TYMP: variants seen among roughly 807,000 people sequenced by gnomAD.
TYMP encodes the protein thymidine phosphorylase, also known as gliostatin.
Under a neutral mutation model 42.3 loss-of-function variants are expected in TYMP, and 46 were observed. The ratio of observed to expected loss-of-function variants is 1.09; its 90% CI spans 0.86 to 1.39. The LOEUF (loss-of-function observed/expected upper bound fraction) is 1.39, where lower values mean the gene tolerates loss of function less well. Among genes scored for constraint, TYMP ranks in the 40% most tolerant of loss-of-function variants. The probability of loss-of-function intolerance (pLI) is 0.00; values close to 1 mark genes in which losing one functional copy is unlikely to be tolerated. For missense variants in TYMP, 837 were observed against 677.6 expected (o/e 1.24, Z -2.61); for synonymous variants, 363 against 308.0 (o/e 1.18, Z -1.87).
rs1603441846 is a variant in TYMP, at chr22:50,526,348, C to G, written c.1057G>C (p.Asp353His). 3.9e-6 allele frequency: 6 copies of G among 1,554,576 alleles called. No individual in the cohort carries two copies. Among genetic ancestry groups the G allele is most frequent in the East Asian group, 2.5e-5 (1 of 40,470 alleles). Residue 353 changes from aspartate to histidine, a missense_variant, in exon 8 of 10, where the codon GAT (aspartate) becomes CAT (histidine). By Grantham distance (81) the Asp-to-His change is moderately conservative. Coordinates refer to ENST00000252029, the MANE Select transcript of TYMP (RefSeq NM_001953.5). The stretch of plus-strand genomic sequence containing the variant: ...CACAGGGCTCGGGCCAGACCGGGAT[C>G]CACGCCCTGCGCCGCCAGCATCCGC... ...FERMLAAQGV[D>H]PGLARALCSG...
chr22:50,528,826 G>C lies in TYMP; in HGVS notation c.418-216C>G, dbSNP rs115323481. 3.2e-3 allele frequency: 1,980 copies of C among 624,030 alleles called. 28 individuals carry two copies. The highest frequency in any genetic ancestry group is 0.031 in the African/African-American group (1,681 of 54,968). The allele number at this position is 624,030 out of a possible 1,614,324, so 38.7% of individuals were successfully genotyped here. On this transcript the variant is annotated intron_variant, in intron 3 of 9. Coordinates refer to ENST00000252029, the MANE Select transcript of TYMP (RefSeq NM_001953.5). ...ACCTGTCCTTGGGGAAACAAGGCTT[G>C]GGGCAGAGGGAGGAAAGTCCTCAGC...
In TYMP at chr22:50,526,635, G is replaced by A. The variant is rs1182049280; in HGVS notation, c.869C>T (p.Ala290Val). 5 of 1,573,184 alleles carry A rather than the reference G, an allele frequency of 3.2e-6. No individual in the cohort carries two copies. Among genetic ancestry groups the A allele is most frequent in the Non-Finnish European group, 3.4e-6 (4 of 1,161,006 alleles). The change falls in exon 7 of 10, where the codon GCG becomes GTG. Residue 290 changes from alanine to valine, a missense_variant. Physicochemically the swap from Ala to Val is moderately conservative, Grantham distance 64 (BLOSUM62 0). Coordinates refer to ENST00000252029, the MANE Select transcript of TYMP (RefSeq NM_001953.5). ...GCCTGCGCCGTCCATGCAGAGCAGC[G>A]CCTCCTCCACCTCCAGGGCGTGGCC... ...CVGHALEVEE[A>V]LLCMDGAGPP...
At position 50,527,439 on chromosome 22, in the gene TYMP, A is replaced by AC. The variant is rs1180607434; in HGVS notation, c.646+148dup. The AC allele has an allele frequency of 5.1e-6, 7 of 1,363,808 alleles. No individual in the cohort carries two copies. In the African/African-American group the frequency reaches 8.6e-5, roughly 17 times the overall value. The allele number at this position is 1,363,808 out of a possible 1,614,324, so 84.5% of individuals were successfully genotyped here. ...CACCTGGTGGGTTGAGTATCAGGCC[A>AC]CCCCACATGGTGGTGGTCAGGCATC... On this transcript the variant is annotated intron_variant, in intron 5 of 9. Transcript: ENST00000252029.
rs1447518200 is a variant in TYMP, at chr22:50,526,752, G to A, written c.766-14C>T. 6.5e-7 allele frequency: 1 copy of A among 1,533,710 alleles called. No homozygotes were observed. Among genetic ancestry groups the A allele is most frequent in the African/African-American group, 1.4e-5 (1 of 73,100 alleles). The stretch of plus-strand genomic sequence containing the variant: ...TCCCACGCCAACCTGCGGAGAGGAG[G>A]CTCAGCGTGGACCCCCCATGGCGGG... On this transcript the variant is annotated splice_polypyrimidine_tract_variant and intron_variant, in intron 6 of 9. Transcript: ENST00000252029.
chr22:50,526,668 C>G lies in TYMP; in HGVS notation c.836G>C (p.Arg279Pro). 6.4e-7 allele frequency: 1 copy of G among 1,553,814 alleles called. No individual in the cohort carries two copies. Among genetic ancestry groups the G allele is most frequent in the Admixed American group, 1.9e-5 (1 of 52,366 alleles). Residue 279 changes from arginine (R) to proline (P), a missense_variant, in exon 7 of 10, where the codon CGC becomes CCC. Physicochemically the swap from Arg to Pro is moderately radical, Grantham distance 103. Coordinates refer to ENST00000252029, the MANE Select transcript of TYMP (RefSeq NM_001953.5). The stretch of plus-strand genomic sequence containing the variant: ...CACCTCCAGGGCGTGGCCCACGCAG[C>G]GACCCAGGGGCTTGTCCATGGCGGT... ...ALTAMDKPLG[R>P]CVGHALEVEE... is the part of the protein sequence containing the mutation.
rs376867243 is a variant in TYMP at position 50,528,534 on chromosome 22, T to C, written c.494A>G (p.Asn165Ser). The change falls in exon 4 of 10, where the codon AAT becomes AGT. Residue 165 changes from asparagine to serine, a missense_variant. Physicochemically the swap from Asn to Ser is conservative, Grantham distance 46. Coordinates refer to ENST00000252029, the MANE Select transcript of TYMP (RefSeq NM_001953.5). ...TACCTGCTCTGGGCTCTGGATGACA[T>C]TGAATCCAGGAATAGACTCCAGCTT... ...LDKLESIPGFNVIQSPEQMQV... is the reference protein window; with the variant it reads ...LDKLESIPGFSVIQSPEQMQV... 21 of 1,613,770 alleles carry C rather than the reference T, an allele frequency of 1.3e-5. No individual in the cohort carries two copies. In the African/African-American group the frequency reaches 2.1e-4, roughly 16 times the overall value.
rs768582480 is a variant in TYMP at position 50,525,817 on chromosome 22, C to G, written c.1402G>C (p.Ala468Pro). The G allele has an allele frequency of 6.2e-7, 1 of 1,610,244 alleles. No homozygotes were observed. The highest frequency in any genetic ancestry group is 1.1e-5 in the South Asian group (1 of 90,990). The change falls in exon 10 of 10, where the codon GCC becomes CCC. Residue 468 changes from alanine (A) to proline (P), a missense_variant. Ala to Pro is a conservative substitution (Grantham distance 27). Coordinates refer to ENST00000252029, the MANE Select transcript of TYMP (RefSeq NM_001953.5). ...ALVLSDRAPF[A>P]APSPFAELVL... ...AGCTCTGCGAAGGGCGAGGGGGCGG[C>G]GAATGGCGCGCGGTCGGAGAGTACG...
At chr22:50,529,040 C>G in intron 3 of TYMP, 96 bp downstream of exon 3, 1 of 1,310,814 alleles carries the variant, frequency 7.6e-7, no homozygotes, top group East Asian at 2.4e-5. Context: ...GTCTTGGAGG[C>G]TTTGGGCCAG....
At chr22:50,526,841 C>G (rs759521106) in intron 6 of TYMP, 103 bp from the exon 7 acceptor site, 1 of 1,245,842 alleles carries the variant, frequency 8.0e-7, no homozygotes, top group South Asian at 1.4e-5. Context: ...GCCAGCCCCC[C>G]AGCATGAAGT....
chr22:50,525,880 G>C lies in TYMP; in HGVS notation c.1339C>G (p.Leu447Val). ...WLRVHRDGPALSGPQSRALQE... is the reference protein window; with the variant it reads ...WLRVHRDGPAVSGPQSRALQE... Reference sequence around the variant, plus strand: ...AGGGCGCGGCTCTGCGGGCCGCTGAGCGCGGGGCCGTCCCGGTGCACGCGG... The same window carrying C: ...AGGGCGCGGCTCTGCGGGCCGCTGACCGCGGGGCCGTCCCGGTGCACGCGG... Residue 447 changes from leucine (L) to valine (V), a missense_variant, in exon 10 of 10, where the codon CTC becomes GTC. Coordinates refer to ENST00000252029, the MANE Select transcript of TYMP (RefSeq NM_001953.5). The C allele has an allele frequency of 6.3e-7, 1 of 1,583,790 alleles. No homozygotes were observed.
In TYMP at chr22:50,526,161, G is replaced by A; in HGVS notation, c.1160-20C>T. 2.0e-6 allele frequency: 3 copies of A among 1,474,432 alleles called. No homozygotes were observed. Among genetic ancestry groups the A allele is most frequent in the Non-Finnish European group, 2.7e-6 (3 of 1,118,492 alleles). The allele number at this position is 1,474,432 out of a possible 1,614,324, so 91.3% of individuals were successfully genotyped here. On this transcript the variant is annotated intron_variant, in intron 8 of 9. Coordinates refer to ENST00000252029, the MANE Select transcript of TYMP (RefSeq NM_001953.5). ...CGGTGCCTGCGGGGAGAGGGGCTGAGAGGCGCGGGCTCGGGAAGGGGCGGG... is the reference window on the plus strand; with the variant it reads ...CGGTGCCTGCGGGGAGAGGGGCTGAAAGGCGCGGGCTCGGGAAGGGGCGGG...
At position 50,526,324 on chromosome 22, in the gene TYMP, A is replaced by C; in HGVS notation, c.1081T>G (p.Cys361Gly). ...CGGCGTTCTGCGGGACTTCCCGAGC[A>C]CAGGGCTCGGGCCAGACCGGGATCC... ...GVDPGLARAL[C>G]SGSPAERRQL... The change falls in exon 8 of 10, where the codon TGC becomes GGC. Residue 361 changes from cysteine to glycine, a missense_variant. Cys to Gly is a radical substitution (Grantham distance 159). Coordinates refer to ENST00000252029, the MANE Select transcript of TYMP (RefSeq NM_001953.5). 1 of 1,562,406 alleles carries C rather than the reference A, an allele frequency of 6.4e-7. No homozygotes were observed.
At chr22:50,526,202 G>A (rs2069363433) in intron 8 of TYMP, 44 bp downstream of exon 8, 3 of 1,488,542 alleles carry the variant, frequency 2.0e-6, no homozygotes, top group African/African-American at 2.9e-5. Context: ...GGGAAGGGAA[G>A]GGGATGGCGG....
intron 4 of TYMP, 115 bp from the exon 5 acceptor site, chr22:50,527,832 T>A (rs1375969431): frequency 2.1e-6 from 3 of 1,407,258 alleles, no homozygotes; most frequent in Non-Finnish European, 2.9e-6. Context: ...TGGAGTGCAG[T>A]TGGCACAATT....
intron 3 of TYMP, 124 bp downstream of exon 3, chr22:50,529,012 G>T: frequency 2.0e-6 from 2 of 1,019,530 alleles, no homozygotes; most frequent in Non-Finnish European, 3.0e-6. Context: ...GAGCAGGGTG[G>T]GGAGAAGCCT....
rs1020643764 is a variant in TYMP at position 50,527,202 on chromosome 22, G to T, written c.728C>A (p.Pro243His). ...DVKFGGAAVF[P>H]NQEQARELAK... ...CAGCTCCCGGGCCTGCTCCTGGTTG[G>T]GGAAGACGGCGGCCCCTCCGAACTT... The change falls in exon 6 of 10, where the codon CCC (proline) becomes CAC (histidine). Residue 243 changes from proline to histidine, a missense_variant. Physicochemically the swap from Pro to His is moderately conservative, Grantham distance 77. Transcript: ENST00000252029. 35 of 1,613,494 alleles carry T rather than the reference G, an allele frequency of 2.2e-5. No homozygotes were observed. Among genetic ancestry groups the T allele is most frequent in the Non-Finnish European group, 3.0e-5 (35 of 1,180,012 alleles).
chr22:50,528,034 C>A, intron 4 of TYMP: 1 of 403,570 alleles, frequency 2.5e-6, no homozygotes, highest in Non-Finnish European at 4.6e-6. Context: ...AGTGCTGGGA[C>A]AGGGTCTCAC....
At chr22:50,527,419 G>A (rs577977601) in intron 5 of TYMP, 136 bp from the exon 6 acceptor site, 4 of 1,258,532 alleles carry the variant, frequency 3.2e-6, no homozygotes, top group South Asian at 1.2e-5. Flanking sequence ...GGCAGCACCT[G>A]GTGGGTTGAG....
In TYMP at chr22:50,527,235, A is replaced by G. The variant is rs1294823677; in HGVS notation, c.695T>C (p.Val232Ala). 8.1e-6 allele frequency: 13 copies of G among 1,613,652 alleles called. No homozygotes were observed. Among genetic ancestry groups the G allele is most frequent in the Non-Finnish European group, 1.1e-5 (13 of 1,179,998 alleles). Residue 232 changes from valine to alanine, a missense_variant, in exon 6 of 10, where the codon GTG becomes GCG. Val to Ala is a moderately conservative substitution (Grantham distance 64). Coordinates refer to ENST00000252029, the MANE Select transcript of TYMP (RefSeq NM_001953.5). Reference sequence around the variant, plus strand: ...GGCGGCCCCTCCGAACTTAACGTCCACCACCAGAGCGGACAGCCCCTCCAC... The same window carrying G: ...GGCGGCCCCTCCGAACTTAACGTCCGCCACCAGAGCGGACAGCCCCTCCAC... ...KLVEGLSALV[V>A]DVKFGGAAVF...
Sources: allele counts gnomAD v4.1 joint callset, GRCh38; gene constraint gnomAD v4.1.1; transcripts MANE v1.5; gene names NCBI Gene and HGNC (gene_info 2026-07-23, HGNC 2026-07-21).